Variants in PDIA6 observed in about 807,000 individuals in gnomAD.
The protein encoded by PDIA6 is protein disulfide isomerase family A member 6.
PDIA6 carries 29 observed loss-of-function variants against 58.4 expected under a neutral mutation model. That is an observed-to-expected ratio of 0.50 (90% confidence interval 0.37 to 0.68). The LOEUF (loss-of-function observed/expected upper bound fraction) is 0.68, where lower values mean the gene tolerates loss of function less well. Ranked by LOEUF, PDIA6 falls within the 30% of genes least tolerant of loss-of-function variation. The probability of loss-of-function intolerance (pLI) is 0.00; values close to 1 mark genes in which losing one functional copy is unlikely to be tolerated. For synonymous variants in PDIA6, 192 were observed against 202.6 expected (o/e 0.95, Z 0.44); for missense variants, 480 against 551.0 (o/e 0.87, Z 1.29).
intron 4 of PDIA6, among the ~76,000 whole-genome samples, chr2:10,796,262 C>T (rs1572664944): frequency 1.3e-5 from 2 of 152,150 alleles, no homozygotes; most frequent in African/African-American, 4.8e-5. Context: ...ACCGTGTTAG[C>T]CAGGATGGTC....
At chr2:10,827,159 G>A (rs915760251) in intron 1 of PDIA6, among the ~76,000 whole-genome samples, 1 of 152,122 alleles carries the variant, frequency 6.6e-6, no homozygotes, top group African/African-American at 2.4e-5. Context: ...CGCCTCCCGG[G>A]TTTAAGCAAT....
At chr2:10,824,873 A>C (rs1019003717) in intron 1 of PDIA6, among the ~76,000 whole-genome samples, 2 of 152,166 alleles carry the variant, frequency 1.3e-5, no homozygotes, top group African/African-American at 4.8e-5. Flanking sequence ...GTTAATATAG[A>C]GTGTCAACTT....
At position 10,783,865 on chromosome 2, in the gene PDIA6, T is replaced by C. The variant is rs16856645; in HGVS notation, c.*393A>G. On this transcript the variant is annotated 3_prime_UTR_variant, in exon 13 of 13. Coordinates refer to ENST00000272227, the MANE Select transcript of PDIA6 (RefSeq NM_005742.4). The stretch of plus-strand genomic sequence containing the variant: ...TACTAACTTCATACATTTATCGGCA[T>C]TGTCCAAAATATTTTATTCTTTAAT... 0.077 allele frequency: 12,452 copies of C among 160,748 alleles called. 1,716 individuals carry two copies. Among genetic ancestry groups the C allele is most frequent in the African/African-American group, 0.28 (11,819 of 41,642 alleles). The allele number at this position is 160,748 out of a possible 1,614,324, so 10.0% of individuals were successfully genotyped here.
upstream of PDIA6, chr2:10,815,423 T>TC (rs1015689486): frequency 6.6e-6 from 1 of 152,044 alleles, no homozygotes; most frequent in African/African-American, 2.4e-5. Flanking sequence ...ACTTCTTTTT[T>TC]TTGTTTCTTC....
chr2:10,790,770 T>C lies in PDIA6; in HGVS notation c.648A>G (p.Lys216=). Residue 216 remains lysine (K), a synonymous_variant, in exon 7 of 13, where the codon AAA becomes AAG. Coordinates refer to ENST00000272227, the MANE Select transcript of PDIA6 (RefSeq NM_005742.4). ...EVKEQTKGKV[K]LAAVDATVNQ... ...TGACTGTAGCATCCACAGCTGCCAG[T>C]TTCACTTTTCCTTTCGTCTGCTCTT... is the stretch of plus-strand genomic sequence containing the variant. 1 of 1,614,206 alleles carries C rather than the reference T, an allele frequency of 6.2e-7. No homozygotes were observed. The highest frequency in any genetic ancestry group is 8.5e-7 in the Non-Finnish European group (1 of 1,180,014).
chr2:10,826,811 C>T (rs905650317), intron 1 of PDIA6, among the ~76,000 whole-genome samples: 6 of 152,150 alleles, frequency 3.9e-5, no homozygotes, highest in Non-Finnish European at 8.8e-5. Context: ...CTGCCTCTGA[C>T]GTCACCTCAA....
intron 2 of PDIA6, among the ~76,000 whole-genome samples, chr2:10,802,245 C>T (rs1176893808): frequency 6.6e-6 from 1 of 152,122 alleles, no homozygotes; most frequent in Non-Finnish European, 1.5e-5. Context: ...TAATCACTGG[C>T]CCCTCCATTT....
exon 1 of PDIA6, chr2:10,832,283 C>T (rs1392148076): frequency 7.0e-6 from 3 of 427,698 alleles, no homozygotes; most frequent in Admixed American, 6.4e-5. Context: ...AACTGCAAAC[C>T]GCCCAAATGC....
chr2:10,813,374 G>T (rs2148568324), upstream of PDIA6, among the ~76,000 whole-genome samples: 1 of 152,362 alleles, frequency 6.6e-6, no homozygotes, highest in East Asian at 1.9e-4. Context: ...GAACCCCAGG[G>T]ACTTAAGCGG....
chr2:10,836,095 C>T (rs1239054495), upstream of PDIA6, among the ~76,000 whole-genome samples: 2 of 152,092 alleles, frequency 1.3e-5, no homozygotes, highest in African/African-American at 4.8e-5. Context: ...ACCTTGGTGC[C>T]TGAGATGATC....
In PDIA6 at chr2:10,798,815, T is replaced by G. The variant is rs565051355; in HGVS notation, c.162-1058A>C. Among the ~76,000 whole-genome samples, 3 of 152,332 alleles carry G rather than the reference T, an allele frequency of 2.0e-5. No individual in the cohort carries two copies. In the South Asian group the frequency reaches 6.2e-4, roughly 32 times the overall value. On this transcript the variant is annotated intron_variant, in intron 2 of 12. Coordinates refer to ENST00000272227, the MANE Select transcript of PDIA6 (RefSeq NM_005742.4). ...GATTCTTAAACCTACTGGGGTTTGA[T>G]AGTCTCTAGTCCAACTTTTTAATTT... is the stretch of plus-strand genomic sequence containing the variant.
At chr2:10,815,177 G>GA (rs1667155186), upstream of PDIA6, among the ~76,000 whole-genome samples, 1 of 150,724 alleles carries the variant, frequency 6.6e-6, no homozygotes, top group South Asian at 2.1e-4. Context: ...CAGGCTTCTG[G>GA]AAATGCACAG....
At chr2:10,786,377 G>A (rs1665758151) in intron 11 of PDIA6, among the ~76,000 whole-genome samples, 2 of 152,220 alleles carry the variant, frequency 1.3e-5, no homozygotes, top group Middle Eastern at 3.4e-3. Context: ...AGAGAGCTGG[G>A]AGGGAAGGAG....
chr2:10,836,852 G>T (rs1380315644), upstream of PDIA6, among the ~76,000 whole-genome samples: 1 of 152,146 alleles, frequency 6.6e-6, no homozygotes, highest in Non-Finnish European at 1.5e-5. Context: ...TCTCAGGGTA[G>T]CAGACAGGGT....
At chr2:10,813,909 G>A (rs55975412), upstream of PDIA6, among the ~76,000 whole-genome samples, 22,314 of 151,770 alleles carry the variant, frequency 0.15, 1,988 homozygotes, top group Non-Finnish European at 0.21. Context: ...ATTTTTAGCA[G>A]AGACAGGGTT....
At chr2:10,798,702 C>G (rs191494950) in intron 2 of PDIA6, among the ~76,000 whole-genome samples, 1 of 152,276 alleles carries the variant, frequency 6.6e-6, no homozygotes, top group East Asian at 1.9e-4. Flanking sequence ...CTGTGTGGAG[C>G]TGAAAGCCTA....
chr2:10,818,482 AT>A (rs1558460278), intron 2 of PDIA6, among the ~76,000 whole-genome samples: 1,204 of 52,628 alleles, frequency 0.023, 8 homozygotes, highest in African/African-American at 0.06. Flanking sequence ...TAACCATTTA[AT>A]TTATTTATTT....
chr2:10,806,590 C>G (rs1666760163), intron 1 of PDIA6, among the ~76,000 whole-genome samples: 1 of 83,816 alleles, frequency 1.2e-5, no homozygotes, highest in Admixed American at 1.5e-4. Flanking sequence ...GGCTGGCCAA[C>G]ACAGAATAGC....
At chr2:10,826,311 G>A (rs572231226) in intron 1 of PDIA6, among the ~76,000 whole-genome samples, 28 of 152,292 alleles carry the variant, frequency 1.8e-4, no homozygotes, top group African/African-American at 6.5e-4. Flanking sequence ...AGGGCTGGGA[G>A]TTGGGAGAGG....
Sources: allele counts gnomAD v4.1 joint callset (sites outside exome capture counted in the v4.1 genomes callset), GRCh38; gene constraint gnomAD v4.1.1; transcripts MANE v1.5; gene names NCBI Gene and HGNC (gene_info 2026-07-23, HGNC 2026-07-21).